Variants in USP54 observed in about 807,000 individuals in gnomAD.
USP54 encodes the protein ubiquitin specific peptidase 54.
In USP54, 87 loss-of-function variants were observed where a neutral mutation model predicts 170.5. That is an observed-to-expected ratio of 0.51 (90% CI 0.43 to 0.61). The LOEUF (loss-of-function observed/expected upper bound fraction) is 0.61. Among genes scored for constraint, USP54 ranks in the 20% least tolerant of loss-of-function variants. USP54 has a pLI of 0.00. For missense variants in USP54, 1,786 were observed against 2,047.8 expected (o/e 0.87, Z 2.47); for synonymous variants, 655 against 742.8 (o/e 0.88, Z 1.92).
At chr10:73,514,933 G>A (rs1339245419) in intron 20 of USP54, among the ~76,000 whole-genome samples, 1 of 151,776 alleles carries the variant, frequency 6.6e-6, no homozygotes, top group Non-Finnish European at 1.5e-5. Flanking sequence ...TCAGCTACTT[G>A]GGAGGCTGAG....
chr10:73,563,444 A>T (rs913189568), intron 4 of USP54, among the ~76,000 whole-genome samples: 5 of 151,514 alleles, frequency 3.3e-5, no homozygotes, highest in African/African-American at 1.2e-4. Context: ...TTATTTATTT[A>T]TTTACTTATT....
At chr10:73,591,164 T>TA (rs1468379970) in intron 1 of USP54, 114 bp downstream of exon 1, 1 of 152,146 alleles carries the variant, frequency 6.6e-6, no homozygotes, top group Non-Finnish European at 1.5e-5. Context: ...AAGAAATAGC[T>TA]TATTAATCAG....
In USP54 at chr10:73,517,486, C is replaced by A; in HGVS notation, c.2940G>T (p.Trp980Cys). ...AACTATGATGAGAATTCTTCTCAGT[C>A]CACCCTGGTGCTTTAGGTAAACCTT... Reference protein sequence around the residue: ...HRQGLPKAPGWTEKNSHHSWE... With the variant: ...HRQGLPKAPGCTEKNSHHSWE... The change falls in exon 20 of 24, where the codon TGG (tryptophan) becomes TGT (cysteine). Residue 980 changes from tryptophan to cysteine, a missense_variant. Trp to Cys is a radical substitution (Grantham distance 215). Coordinates refer to ENST00000687698, the MANE Select transcript of USP54 (RefSeq NM_001391956.1). 6.2e-7 allele frequency: 1 copy of A among 1,614,226 alleles called. No homozygotes were observed. The highest frequency in any genetic ancestry group is 1.1e-5 in the South Asian group (1 of 91,086).
rs2080562223 is a variant in USP54, at chr10:73,615,648, TAG to T, written c.-18+9917_-18+9918del. On this transcript the variant is annotated intron_variant, in intron 1 of 22. Coordinates refer to the USP54 transcript ENST00000339859. ...ATTTTTTTAAAAATAAAGCTGGGCATAGTGGCTCACACCTGTAATCCCAGCAC... is the reference window on the plus strand; with the variant it reads ...ATTTTTTTAAAAATAAAGCTGGGCATTGGCTCACACCTGTAATCCCAGCAC... 2.0e-5 allele frequency among the ~76,000 whole-genome samples: 3 copies of T among 150,222 alleles called. 1 individual carries two copies. The highest frequency in any genetic ancestry group is 7.6e-5 in the African/African-American group (3 of 39,682).
At chr10:73,507,037 G>A (rs1475154200) in intron 20 of USP54, 1 of 151,866 alleles carries the variant, frequency 6.6e-6, no homozygotes, top group African/African-American at 2.4e-5. Flanking sequence ...ATATTGTCCA[G>A]CCACTTAAAA....
chr10:73,593,383 A>AC (rs1404550596), upstream of USP54, among the ~76,000 whole-genome samples: 1 of 151,582 alleles, frequency 6.6e-6, no homozygotes, highest in Non-Finnish European at 1.5e-5. Context: ...TCTCAAAAAA[A>AC]AAAAAAAAAA....
intron 4 of USP54, among the ~76,000 whole-genome samples, chr10:73,559,157 A>C (rs2072092762): frequency 6.6e-6 from 1 of 152,194 alleles, no homozygotes; most frequent in African/African-American, 2.4e-5. Flanking sequence ...ATAGTTGCTC[A>C]TGCCTATAAT....
intron 1 of USP54, among the ~76,000 whole-genome samples, chr10:73,601,846 A>AGCT (rs2079190642): frequency 1.3e-5 from 2 of 152,172 alleles, no homozygotes; most frequent in Non-Finnish European, 2.9e-5. Flanking sequence ...CAGTGGCAAC[A>AGCT]GCTGCTGCTG....
chr10:73,607,375 G>A (rs2079750308), intron 1 of USP54, among the ~76,000 whole-genome samples: 2 of 140,458 alleles, frequency 1.4e-5, no homozygotes. Flanking sequence ...TTAGCCTAAA[G>A]AACATAGTCT....
At chr10:73,609,198 GTAAAGA>G (rs1448169584) in intron 1 of USP54, among the ~76,000 whole-genome samples, 1 of 152,142 alleles carries the variant, frequency 6.6e-6, no homozygotes, top group Non-Finnish European at 1.5e-5. Context: ...ATGACCATGA[GTAAAGA>G]TAAACAAGGA....
intron 4 of USP54, among the ~76,000 whole-genome samples, chr10:73,555,572 C>T (rs1564813356): frequency 1.3e-5 from 2 of 152,112 alleles, no homozygotes; most frequent in South Asian, 2.1e-4. Context: ...GGGCCAAATT[C>T]GCCACAGAAA....
chr10:73,592,471 CAA>C (rs367984467), upstream of USP54, among the ~76,000 whole-genome samples: 221 of 67,354 alleles, frequency 3.3e-3, no homozygotes, highest in African/African-American at 9.2e-3. Flanking sequence ...GAAAGTGCCA[CAA>C]AAAAAAAAAA....
chr10:73,607,635 A>G (rs1354703134), intron 1 of USP54, among the ~76,000 whole-genome samples: 3 of 151,356 alleles, frequency 2.0e-5, no homozygotes, highest in Non-Finnish European at 2.9e-5. Context: ...GTTCAAGATC[A>G]CCCTGACCAA....
At chr10:73,608,717 G>A (rs2079882242) in intron 1 of USP54, among the ~76,000 whole-genome samples, 1 of 152,084 alleles carries the variant, frequency 6.6e-6, no homozygotes, top group African/African-American at 2.4e-5. Flanking sequence ...CCAACATGAT[G>A]AAACCCAGTC....
At chr10:73,557,910 T>A (rs187229410) in intron 4 of USP54, among the ~76,000 whole-genome samples, 2 of 125,094 alleles carry the variant, frequency 1.6e-5, no homozygotes, top group South Asian at 5.3e-4. Context: ...TGAGATGGAG[T>A]CTTGCTCTGT....
chr10:73,574,148 G>A (rs987329967), intron 3 of USP54, among the ~76,000 whole-genome samples: 2 of 152,186 alleles, frequency 1.3e-5, no homozygotes, highest in African/African-American at 4.8e-5. Flanking sequence ...CTATGGGCGT[G>A]ACTGGGCAGA....
At chr10:73,581,952 G>A (rs1386242474) in intron 1 of USP54, among the ~76,000 whole-genome samples, 1 of 152,178 alleles carries the variant, frequency 6.6e-6, no homozygotes, top group East Asian at 1.9e-4. Flanking sequence ...CTGTATTAGT[G>A]AAATACAGAG....
intron 3 of USP54, among the ~76,000 whole-genome samples, chr10:73,575,107 C>T (rs1197872037): frequency 1.3e-5 from 2 of 151,566 alleles, no homozygotes; most frequent in Admixed American, 6.6e-5. Flanking sequence ...CGCCTGTAGT[C>T]CCAGCTACTC....
chr10:73,587,501 C>T (rs1382712290), intron 1 of USP54, among the ~76,000 whole-genome samples: 1 of 152,042 alleles, frequency 6.6e-6, no homozygotes, highest in Non-Finnish European at 1.5e-5. Flanking sequence ...GCACCCTCTG[C>T]AGGGCCAACA....
Sources: allele counts gnomAD v4.1 joint callset (sites outside exome capture counted in the v4.1 genomes callset), GRCh38; gene constraint gnomAD v4.1.1; transcripts MANE v1.5; gene names NCBI Gene and HGNC (gene_info 2026-07-23, HGNC 2026-07-21).